Variants in CACNB2 observed in about 807,000 individuals in gnomAD.
CACNB2 encodes voltage-dependent L-type calcium channel subunit beta-2.
CACNB2 carries 42 observed loss-of-function variants against 73.3 expected under a neutral mutation model. The observed-to-expected ratio is 0.57, with a 90% CI of 0.45 to 0.74. The LOEUF (loss-of-function observed/expected upper bound fraction) is 0.74, where lower values mean the gene tolerates loss of function less well. Ranked by LOEUF, CACNB2 falls within the 30% of genes least tolerant of loss-of-function variation. The probability of loss-of-function intolerance (pLI) is 0.00; values close to 1 mark genes in which losing one functional copy is unlikely to be tolerated. For synonymous variants in CACNB2, 348 were observed against 310.3 expected (o/e 1.12, Z -1.28); for missense variants, 940 against 853.0 (o/e 1.10, Z -1.27).
intron 2 of CACNB2, among the ~76,000 whole-genome samples, chr10:18,376,272 A>G (rs2042795311): frequency 6.6e-6 from 1 of 152,204 alleles, no homozygotes; most frequent in Admixed American, 6.5e-5. Flanking sequence ...TCTAGCTTCC[A>G]CTTATTTGTG....
At chr10:18,439,087 C>T (rs767676271) in intron 3 of CACNB2, among the ~76,000 whole-genome samples, 5 of 152,182 alleles carry the variant, frequency 3.3e-5, no homozygotes, top group African/African-American at 7.2e-5. Context: ...TCACAGGATA[C>T]GAGACATGCA....
intron 2 of CACNB2, among the ~76,000 whole-genome samples, chr10:18,305,958 A>AC (rs1025931396): frequency 5.3e-5 from 8 of 152,126 alleles, no homozygotes; most frequent in Non-Finnish European, 1.2e-4. Context: ...GCAGACCGAG[A>AC]CCCCATCTCT....
intron 3 of CACNB2, among the ~76,000 whole-genome samples, chr10:18,466,569 C>T (rs1321525981): frequency 6.6e-6 from 1 of 152,272 alleles, no homozygotes; most frequent in Non-Finnish European, 1.5e-5. Flanking sequence ...GAAAGTCCTA[C>T]ATAGAAGGTT....
intron 6 of CACNB2, among the ~76,000 whole-genome samples, chr10:18,508,974 C>A (rs2050626529): frequency 6.6e-6 from 1 of 152,118 alleles, no homozygotes; most frequent in African/African-American, 2.4e-5. Context: ...AGTAAAGTTC[C>A]ATGAAGAGTG....
chr10:18,198,701 C>T (rs944320421), intron 2 of CACNB2, among the ~76,000 whole-genome samples: 3 of 152,200 alleles, frequency 2.0e-5, no homozygotes, highest in African/African-American at 7.2e-5. Flanking sequence ...TCTACTCATG[C>T]TCTGATAATG....
chr10:18,535,254 C>T (rs1456550671), intron 11 of CACNB2, among the ~76,000 whole-genome samples: 1 of 152,060 alleles, frequency 6.6e-6, no homozygotes, highest in South Asian at 2.1e-4. Context: ...TTTAAGGAAC[C>T]ACCATTTGTT....
chr10:18,185,873 A>G (rs2034125935), intron 2 of CACNB2, among the ~76,000 whole-genome samples: 1 of 152,194 alleles, frequency 6.6e-6, no homozygotes, highest in Non-Finnish European at 1.5e-5. Flanking sequence ...CATGGAGATG[A>G]CATGCTGATG....
chr10:18,261,353 C>G (rs1282340321), intron 2 of CACNB2: 3 of 1,551,450 alleles, frequency 1.9e-6, no homozygotes, highest in Non-Finnish European at 2.6e-6. Flanking sequence ...CAGCTGGGAG[C>G]TGAAAATACT....
At chr10:18,332,222 T>C (rs1484361054) in intron 2 of CACNB2, among the ~76,000 whole-genome samples, 1 of 152,088 alleles carries the variant, frequency 6.6e-6, no homozygotes, top group Non-Finnish European at 1.5e-5. Flanking sequence ...TCTATGGAGA[T>C]TGGACAGCGT....
intron 3 of CACNB2, among the ~76,000 whole-genome samples, chr10:18,420,958 T>G (rs1013572915): frequency 6.6e-6 from 1 of 152,188 alleles, no homozygotes; most frequent in Admixed American, 6.5e-5. Flanking sequence ...GAAATTAAAG[T>G]TTACCAAACA....
Position 18,291,125 on chromosome 10 carries a change from G to A in CACNB2, c.214-110799G>A, listed in dbSNP as rs556255561. Among the ~76,000 whole-genome samples the A allele has an allele frequency of 1.1e-4, 16 of 152,300 alleles. No homozygotes were observed. The East Asian group carries it at 2.7e-3, about 26-fold the overall frequency. ...GCGATAACCTACGTCGTGAGGCTGC[G>A]CAGAAGGTACTTACAGGTACTCATT... On this transcript the variant is annotated intron_variant, in intron 2 of 13. Transcript: ENST00000324631.
intron 2 of CACNB2, among the ~76,000 whole-genome samples, chr10:18,376,073 C>G (rs1428502798): frequency 6.6e-6 from 1 of 152,030 alleles, no homozygotes; most frequent in Non-Finnish European, 1.5e-5. Context: ...TTCACAGTAG[C>G]CAGGATTTGG....
At chr10:18,220,313 G>A (rs977494978) in intron 2 of CACNB2, among the ~76,000 whole-genome samples, 20 of 144,566 alleles carry the variant, frequency 1.4e-4, no homozygotes, top group African/African-American at 4.9e-4. Flanking sequence ...AGACTGGAGT[G>A]CAGTGGTGTG....
At chr10:18,511,514 A>G (rs142751364) in intron 6 of CACNB2, among the ~76,000 whole-genome samples, 1 of 152,346 alleles carries the variant, frequency 6.6e-6, no homozygotes, top group East Asian at 1.9e-4. Flanking sequence ...ATCCCAGGGA[A>G]TGGTAGCTGT....
At position 18,256,455 on chromosome 10, in the gene CACNB2, G is replaced by A. The variant is rs1490123656; in HGVS notation, c.213+105480G>A. The A allele has an allele frequency of 2.0e-5, 3 of 152,208 alleles. No individual in the cohort carries two copies. The South Asian group carries it at 6.2e-4, about 32-fold the overall frequency. The allele number at this position is 152,208 out of a possible 1,614,324, so 9.4% of individuals were successfully genotyped here. ...AAGTTTCAGTAATTCTGCATGTACT[G>A]CCAGTTCAATTCTAAACTCTTTGCT... is the stretch of plus-strand genomic sequence containing the variant. On this transcript the variant is annotated intron_variant, in intron 2 of 13. Transcript: ENST00000324631.
At chr10:18,287,350 A>G (rs998662442) in intron 2 of CACNB2, among the ~76,000 whole-genome samples, 16 of 152,266 alleles carry the variant, frequency 1.1e-4, no homozygotes, top group Middle Eastern at 3.4e-3. Flanking sequence ...CAAGTCACAA[A>G]TATAAATTCT....
chr10:18,432,478 G>A (rs962295780), intron 3 of CACNB2, among the ~76,000 whole-genome samples: 1 of 135,800 alleles, frequency 7.4e-6, no homozygotes, highest in Non-Finnish European at 1.6e-5. Flanking sequence ...GTGTGTGTGT[G>A]TGTCCCTGTC....
chr10:18,467,519 G>C (rs2047959743), intron 3 of CACNB2, among the ~76,000 whole-genome samples: 1 of 152,242 alleles, frequency 6.6e-6, no homozygotes, highest in African/African-American at 2.4e-5. Context: ...CTACGTAAAA[G>C]ATACAGAGCA....
intron 2 of CACNB2, among the ~76,000 whole-genome samples, chr10:18,267,562 C>A (rs932520174): frequency 6.6e-6 from 1 of 152,050 alleles, no homozygotes; most frequent in Non-Finnish European, 1.5e-5. Context: ...ACTGAGATCA[C>A]ACCACTGCAC....
Sources: gnomAD v4.1 joint callset for allele counts (sites outside exome capture counted in the v4.1 genomes callset) on GRCh38, gnomAD v4.1.1 for gene constraint, MANE v1.5 for transcripts, NCBI Gene and HGNC (gene_info 2026-07-23, HGNC 2026-07-21) for gene names.